ADARB2: variants seen among roughly 807,000 people sequenced by gnomAD.
ADARB2 encodes adenosine deaminase RNA specific B2 (inactive), also known as inactive double-stranded RNA-specific editase B2.
In ADARB2, 25 loss-of-function variants were observed where a neutral mutation model predicts 62.2. The ratio of observed to expected loss-of-function variants is 0.40; its 90% CI spans 0.29 to 0.56. ADARB2 has a LOEUF of 0.56. Among genes scored for constraint, ADARB2 ranks in the 20% least tolerant of loss-of-function variants. ADARB2 has a pLI of 0.43. For synonymous variants in ADARB2, 572 were observed against 500.8 expected (o/e 1.14, Z -1.90); for missense variants, 1,071 against 1,077.4 (o/e 0.99, Z 0.08).
intron 1 of ADARB2, among the ~76,000 whole-genome samples, chr10:1,587,392 T>G (rs927628272): frequency 1.2e-4 from 19 of 152,280 alleles, no homozygotes; most frequent in African/African-American, 4.3e-4. Context: ...GTTTTAAATA[T>G]AGGACTTTCT....
At chr10:1,248,895 C>A (rs1484209225) in intron 4 of ADARB2, among the ~76,000 whole-genome samples, 2 of 152,310 alleles carry the variant, frequency 1.3e-5, no homozygotes, top group South Asian at 2.1e-4. Context: ...TTCGACTGAA[C>A]CTTCAAGTAG....
chr10:1,329,702 T>C (rs962051498), intron 3 of ADARB2, among the ~76,000 whole-genome samples: 1 of 152,160 alleles, frequency 6.6e-6, no homozygotes, highest in African/African-American at 2.4e-5. Flanking sequence ...TTCGATGGTG[T>C]GGGACAAACA....
chr10:1,712,569 A>G (rs182801923), intron 1 of ADARB2, among the ~76,000 whole-genome samples: 8 of 151,852 alleles, frequency 5.3e-5, no homozygotes, highest in African/African-American at 1.9e-4. Flanking sequence ...AGCCCCCCTT[A>G]TCCTACCCAG....
chr10:1,266,672 G>A (rs968206612), intron 4 of ADARB2, among the ~76,000 whole-genome samples: 5 of 152,066 alleles, frequency 3.3e-5, no homozygotes, highest in Admixed American at 1.3e-4. Context: ...CTAACGTCTC[G>A]TTCACAAGTG....
At chr10:1,680,393 C>T (rs932043003) in intron 1 of ADARB2, among the ~76,000 whole-genome samples, 1 of 152,034 alleles carries the variant, frequency 6.6e-6, no homozygotes, top group Non-Finnish European at 1.5e-5. Context: ...CAACACCCTT[C>T]TCCACCCACA....
In ADARB2 at chr10:1,182,852, C is replaced by A; in HGVS notation, c.*341G>T. The A allele has an allele frequency of 4.2e-6, 1 of 235,656 alleles. No homozygotes were observed. Among genetic ancestry groups the A allele is most frequent in the Non-Finnish European group, 8.3e-6 (1 of 120,010 alleles). 14.6% of individuals were successfully genotyped at this position (235,656 alleles called of 1,614,324 possible). On this transcript the variant is annotated 3_prime_UTR_variant, in exon 10 of 10. Coordinates refer to ENST00000381312, the MANE Select transcript of ADARB2 (RefSeq NM_018702.4). ...GGGTGCAGGGACGGGGCCTGAGGCT[C>A]ACTCCTGCCTGGTGTCGTGTCGGTG...
At chr10:1,444,196 A>G (rs1830934551) in intron 1 of ADARB2, among the ~76,000 whole-genome samples, 1 of 149,356 alleles carries the variant, frequency 6.7e-6, no homozygotes, top group African/African-American at 2.5e-5. Flanking sequence ...CCATCCATCC[A>G]CTCACCCACT....
At chr10:1,324,982 C>G (rs1271348846) in intron 3 of ADARB2, among the ~76,000 whole-genome samples, 1 of 152,230 alleles carries the variant, frequency 6.6e-6, no homozygotes, top group East Asian at 1.9e-4. Flanking sequence ...GGCACAGGTA[C>G]ATGGGCTCTT....
At chr10:1,195,889 C>T (rs1432131271) in intron 8 of ADARB2, among the ~76,000 whole-genome samples, 1 of 152,146 alleles carries the variant, frequency 6.6e-6, no homozygotes, top group African/African-American at 2.4e-5. Context: ...TGACCACCTT[C>T]GTAACCCCAC....
intron 1 of ADARB2, among the ~76,000 whole-genome samples, chr10:1,560,598 G>C (rs1240690998): frequency 6.7e-5 from 2 of 29,812 alleles, no homozygotes; most frequent in Non-Finnish European, 4.8e-4. Context: ...GGTTGGATTG[G>C]AGAGTTCTCC....
chr10:1,414,382 C>T (rs903554428), intron 1 of ADARB2, among the ~76,000 whole-genome samples: 21 of 152,294 alleles, frequency 1.4e-4, no homozygotes, highest in East Asian at 5.8e-4. Flanking sequence ...GCTACCCTGA[C>T]GTACCGTAAT....
At chr10:1,429,447 A>C (rs1478146429) in intron 1 of ADARB2, among the ~76,000 whole-genome samples, 2 of 152,188 alleles carry the variant, frequency 1.3e-5, no homozygotes, top group East Asian at 3.9e-4. Flanking sequence ...GGAAATTCTC[A>C]TTCTCAATAA....
At chr10:1,308,751 T>A (rs1438870434) in intron 3 of ADARB2, among the ~76,000 whole-genome samples, 2 of 152,234 alleles carry the variant, frequency 1.3e-5, no homozygotes, top group Non-Finnish European at 2.9e-5. Flanking sequence ...TCATATAATT[T>A]ATTTTTGTGG....
At chr10:1,620,664 A>G (rs1833694301) in intron 1 of ADARB2, among the ~76,000 whole-genome samples, 1 of 152,238 alleles carries the variant, frequency 6.6e-6, no homozygotes, top group South Asian at 2.1e-4. Context: ...CAAAAATATC[A>G]CAAAAAGTAT....
intron 1 of ADARB2, among the ~76,000 whole-genome samples, chr10:1,461,201 A>G (rs549820035): frequency 2.0e-3 from 300 of 152,344 alleles, no homozygotes; most frequent in South Asian, 3.5e-3. Context: ...TATCAATGAC[A>G]TCATGACAAA....
intron 3 of ADARB2, among the ~76,000 whole-genome samples, chr10:1,344,716 T>C (rs756544194): frequency 5.9e-5 from 9 of 152,164 alleles, no homozygotes; most frequent in Non-Finnish European, 1.2e-4. Flanking sequence ...TGGACATGGC[T>C]GTGACTTCTG....
intron 4 of ADARB2, among the ~76,000 whole-genome samples, chr10:1,262,286 G>GTATAATAAT (rs1554749742): frequency 2.7e-5 from 1 of 36,590 alleles, no homozygotes. Context: ...AAAACTTAAA[G>GTATAATAAT]TATAATAATA....
chr10:1,192,785 C>CA (rs1000043995), intron 8 of ADARB2, among the ~76,000 whole-genome samples: 7 of 151,466 alleles, frequency 4.6e-5, no homozygotes, highest in South Asian at 4.2e-4. Context: ...ATTAAAAATA[C>CA]AAAAAAAAAT....
rs367994621 is a variant in ADARB2 at position 1,570,699 on chromosome 10, C to T, written c.100+166352G>A. Among the ~76,000 whole-genome samples, 53 of 152,238 alleles carry T rather than the reference C, an allele frequency of 3.5e-4. 1 individual carries two copies. In the South Asian group the frequency reaches 8.1e-3, roughly 23 times the overall value. On this transcript the variant is annotated intron_variant, in intron 1 of 9. Coordinates refer to ENST00000381312, the MANE Select transcript of ADARB2 (RefSeq NM_018702.4). ...GATGGGGATTCTGACAGGCAAAAGA[C>T]CAAAGTGAGTCCTGCTAGTGCTTCG...
Sources: gnomAD v4.1 joint callset for allele counts (sites outside exome capture counted in the v4.1 genomes callset) on GRCh38, gnomAD v4.1.1 for gene constraint, MANE v1.5 for transcripts, NCBI Gene and HGNC (gene_info 2026-07-23, HGNC 2026-07-21) for gene names.